Variants in GRB2 observed in about 807,000 individuals in gnomAD.
GRB2 encodes the protein growth factor receptor bound protein 2, also known as growth factor receptor-bound protein 2.
Under a neutral mutation model 27.4 loss-of-function variants are expected in GRB2, and 2 were observed. The observed-to-expected ratio is 0.07, with a 90% CI of 0.03 to 0.23. The LOEUF (loss-of-function observed/expected upper bound fraction) is 0.23, where lower values mean the gene tolerates loss of function less well. Among genes scored for constraint, GRB2 ranks in the 10% least tolerant of loss-of-function variants. GRB2 has a pLI of 1.00. For synonymous variants in GRB2, 94 were observed against 99.6 expected, an observed-to-expected ratio of 0.94 and a Z score of 0.33; for missense variants, 102 against 282.4, an observed-to-expected ratio of 0.36 and a Z score of 4.58.
intron 2 of GRB2, among the ~76,000 whole-genome samples, chr17:75,345,921 G>T (rs535639640): frequency 1.8e-3 from 272 of 152,208 alleles, no homozygotes; most frequent in Non-Finnish European, 3.0e-3. Flanking sequence ...TCTGGCAGAA[G>T]ACCACAGTAT....
chr17:75,362,546 A>G (rs897339364), intron 2 of GRB2, among the ~76,000 whole-genome samples: 1 of 152,238 alleles, frequency 6.6e-6, no homozygotes, highest in East Asian at 1.9e-4. Context: ...AGCAATAGAT[A>G]CAAGGGCTTA....
chr17:75,341,620 G>C (rs1007028744), intron 2 of GRB2, among the ~76,000 whole-genome samples: 5 of 151,852 alleles, frequency 3.3e-5, no homozygotes, highest in Non-Finnish European at 2.9e-5. Flanking sequence ...ACAGGGAGGA[G>C]GACAAAGTCC....
intron 2 of GRB2, among the ~76,000 whole-genome samples, chr17:75,333,223 A>G (rs886808664): frequency 6.6e-6 from 1 of 152,062 alleles, no homozygotes; most frequent in Non-Finnish European, 1.5e-5. Context: ...TTACAGGCGC[A>G]TGCCACGTTG....
chr17:75,373,136 ACT>A lies in GRB2; in HGVS notation c.78+20413_78+20414del, dbSNP rs1185279304. On this transcript the variant is annotated intron_variant, in intron 2 of 5. Transcript: ENST00000316804. ...GTGGTGGGCACCTGTAATCCCAGCT[ACT>A]CGGGAGGCTGAAGAAGGAGAATCGG... The A allele has an allele frequency of 4.6e-5, 7 of 152,192 alleles. No homozygotes were observed. In the East Asian group the frequency reaches 1.2e-3, roughly 25 times the overall value. 9.4% of individuals were successfully genotyped at this position (152,192 alleles called of 1,614,324 possible).
intron 2 of GRB2, among the ~76,000 whole-genome samples, chr17:75,378,767 C>T (rs1395583697): frequency 2.0e-5 from 3 of 152,016 alleles, no homozygotes; most frequent in Non-Finnish European, 2.9e-5. Flanking sequence ...TAGAAGGAGA[C>T]GAACCAATTA....
At chr17:75,403,159 T>C (rs193037492) in intron 1 of GRB2, among the ~76,000 whole-genome samples, 2 of 132,664 alleles carry the variant, frequency 1.5e-5, no homozygotes, top group Non-Finnish European at 3.2e-5. Context: ...AAAAAAAATA[T>C]ATATATATAT....
intron 2 of GRB2, among the ~76,000 whole-genome samples, chr17:75,335,762 A>T (rs1261633159): frequency 1.3e-5 from 2 of 152,240 alleles, no homozygotes; most frequent in Non-Finnish European, 2.9e-5. Context: ...TCCAAGAGTC[A>T]CATAAATATT....
chr17:75,345,912 C>A (rs2078651902), intron 2 of GRB2, among the ~76,000 whole-genome samples: 1 of 152,058 alleles, frequency 6.6e-6, no homozygotes, highest in Non-Finnish European at 1.5e-5. Flanking sequence ...TGTGGGTGGT[C>A]TGGCAGAAGA....
intron 2 of GRB2, among the ~76,000 whole-genome samples, chr17:75,351,313 C>T (rs2078690839): frequency 6.6e-6 from 1 of 152,086 alleles, no homozygotes; most frequent in African/African-American, 2.4e-5. Flanking sequence ...ACATCAAATT[C>T]CATGTCATAT....
intron 5 of GRB2, among the ~76,000 whole-genome samples, chr17:75,321,089 A>G (rs1318916044): frequency 6.6e-6 from 1 of 151,690 alleles, no homozygotes; most frequent in Admixed American, 6.6e-5. Flanking sequence ...TGTGTTAAAG[A>G]CCATCTCCCT....
chr17:75,321,418 C>T (rs971279103), intron 5 of GRB2, among the ~76,000 whole-genome samples: 1 of 152,114 alleles, frequency 6.6e-6, no homozygotes, highest in African/African-American at 2.4e-5. Context: ...CTCAAGAGAT[C>T]TGCCTGCCTC....
In GRB2 at chr17:75,349,037, G is replaced by A. The variant is rs116227893; in HGVS notation, c.79-16240C>T. On this transcript the variant is annotated intron_variant, in intron 2 of 5. Transcript: ENST00000316804. Reference sequence around the variant, plus strand: ...TGGAAAATTCAACTCATGTGTGGACGTTCTAGAAAAAAGGACAACTTCAAA... The same window carrying A: ...TGGAAAATTCAACTCATGTGTGGACATTCTAGAAAAAAGGACAACTTCAAA... Among the ~76,000 whole-genome samples the A allele has an allele frequency of 9.7e-3, 1,480 of 152,264 alleles. 27 individuals carry two copies. The highest frequency in any genetic ancestry group is 0.048 in the South Asian group (234 of 4,830).
intron 2 of GRB2, among the ~76,000 whole-genome samples, chr17:75,383,859 AAAC>A (rs138974327): frequency 2.0e-5 from 3 of 152,110 alleles, no homozygotes; most frequent in African/African-American, 4.8e-5. Context: ...CCCAAAAAGA[AAAC>A]AACAACAACA....
intron 2 of GRB2, among the ~76,000 whole-genome samples, chr17:75,383,670 C>T (rs1598250664): frequency 1.3e-5 from 2 of 152,136 alleles, no homozygotes; most frequent in East Asian, 3.9e-4. Flanking sequence ...GGTGAAAGCC[C>T]GTCTCTACTA....
At chr17:75,327,599 G>A (rs1411727661) in intron 3 of GRB2, among the ~76,000 whole-genome samples, 3 of 144,860 alleles carry the variant, frequency 2.1e-5, no homozygotes, top group East Asian at 2.1e-4. Context: ...TTGAACTCCC[G>A]ACCTCGAGAT....
At chr17:75,405,152 G>A (rs1382497952) in intron 1 of GRB2, 3 of 152,222 alleles carry the variant, frequency 2.0e-5, no homozygotes, top group Admixed American at 6.6e-5. Context: ...CCAGGCTCGG[G>A]TAGACTGACT....
At chr17:75,401,281 T>C (rs1356349700) in intron 1 of GRB2, among the ~76,000 whole-genome samples, 2 of 151,272 alleles carry the variant, frequency 1.3e-5, no homozygotes, top group African/African-American at 2.4e-5. Context: ...CCGTCTCTAC[T>C]AAAAATACAA....
chr17:75,396,870 A>C (rs1021748049), intron 1 of GRB2, among the ~76,000 whole-genome samples: 3 of 152,212 alleles, frequency 2.0e-5, no homozygotes, highest in African/African-American at 7.2e-5. Context: ...GAAATCAGAT[A>C]GAAATGAAAA....
intron 2 of GRB2, among the ~76,000 whole-genome samples, chr17:75,363,859 C>CAAAAAAAAAAAAAAAAAAAAAAAAAAAA (rs55746272): frequency 1.7e-5 from 1 of 58,536 alleles, no homozygotes; most frequent in Non-Finnish European, 3.1e-5. Flanking sequence ...GACTCCGTCT[C>CAAAAAAAAAAAAAAAAAAAAAAAAAAAA]AAAAAAAAAA....
Sources: gnomAD v4.1 joint callset for allele counts (sites outside exome capture counted in the v4.1 genomes callset) on GRCh38, gnomAD v4.1.1 for gene constraint, MANE v1.5 for transcripts, NCBI Gene and HGNC (gene_info 2026-07-23, HGNC 2026-07-21) for gene names.